SLC25A30: variants seen among roughly 807,000 people sequenced by gnomAD.
SLC25A30 encodes the protein solute carrier family 25 member 30, also known as kidney mitochondrial carrier protein 1.
A neutral mutation model predicts 42.7 loss-of-function variants in SLC25A30; 29 were observed. The observed-to-expected ratio is 0.68, with a 90% confidence interval of 0.51 to 0.93. The LOEUF is 0.93. SLC25A30 is among the 40% of genes least tolerant of loss of function. The pLI, the probability that SLC25A30 is intolerant of heterozygous loss-of-function variation, is 0.00. For synonymous variants in SLC25A30, 124 were observed against 131.0 expected, an observed-to-expected ratio of 0.95 and a Z score of 0.37; for missense variants, 300 against 359.7, an observed-to-expected ratio of 0.83 and a Z score of 1.34.
intron 5 of SLC25A30, among the ~76,000 whole-genome samples, chr13:45,403,387 T>C (rs908540052): frequency 6.6e-6 from 1 of 152,134 alleles, no homozygotes; most frequent in African/African-American, 2.4e-5. Context: ...GTATACCAAC[T>C]GGTACAAGAT....
chr13:45,415,473 G>A (rs923327032), intron 1 of SLC25A30, among the ~76,000 whole-genome samples: 2 of 152,030 alleles, frequency 1.3e-5, no homozygotes, highest in African/African-American at 2.4e-5. Context: ...GCTGTTGGCC[G>A]GGTGTGGTGG....
chr13:45,425,230 ATATT>A, the SLC25A30 span, among the ~76,000 whole-genome samples: 6 of 103,792 alleles, frequency 5.8e-5, no homozygotes, highest in East Asian at 5.0e-4. Context: ...ATGTATATAA[ATATT>A]TATACATATA....
At chr13:45,404,497 C>T (rs1466177250) in intron 4 of SLC25A30, 85 bp from the exon 5 acceptor site, 4 of 932,500 alleles carry the variant, frequency 4.3e-6, no homozygotes, top group South Asian at 4.0e-5. Flanking sequence ...CTTATTTACA[C>T]ATTACTTGTT....
chr13:45,427,993 T>G, the SLC25A30 span, among the ~76,000 whole-genome samples: 1 of 152,022 alleles, frequency 6.6e-6, no homozygotes, highest in Non-Finnish European at 1.5e-5. Context: ...TCCACCCGCC[T>G]CGGCCTCCCA....
Position 45,395,773 on chromosome 13 carries a change from TGTTA to T in SLC25A30, c.*197_*200del, listed in dbSNP as rs1881263071. 2 of 1,446,730 alleles carry T rather than the reference TGTTA, an allele frequency of 1.4e-6. No individual in the cohort carries two copies. 89.6% of individuals were successfully genotyped at this position (1,446,730 alleles called of 1,614,324 possible). A position where few individuals can be genotyped will look rare whatever the true frequency, so the allele number is the denominator to read the frequency against. ...TCAGTGGTAAAGACTAGTGTTTGGATGTTAGTTTATGCCATTAAACGTTTGATGA... is the reference window on the plus strand; with the variant it reads ...TCAGTGGTAAAGACTAGTGTTTGGATGTTTATGCCATTAAACGTTTGATGA... On this transcript the variant is annotated 3_prime_UTR_variant, in exon 10 of 10. Transcript: ENST00000519676.
At chr13:45,402,059 C>CAAAAAAAA (rs66565783) in intron 6 of SLC25A30, among the ~76,000 whole-genome samples, 1 of 83,914 alleles carries the variant, frequency 1.2e-5, no homozygotes, top group Non-Finnish European at 2.4e-5. Flanking sequence ...GACTCCATCT[C>CAAAAAAAA]AAAAAAAAAA....
At chr13:45,417,996 C>T (rs1220604366) in intron 1 of SLC25A30, among the ~76,000 whole-genome samples, 2 of 152,192 alleles carry the variant, frequency 1.3e-5, no homozygotes, top group East Asian at 3.9e-4. Context: ...ACGGGCTTCG[C>T]ACTCGGATCT....
At chr13:45,423,828 A>C in the SLC25A30 span, among the ~76,000 whole-genome samples, 1 of 75,750 alleles carries the variant, frequency 1.3e-5, no homozygotes, top group Non-Finnish European at 2.2e-5. Flanking sequence ...ATAAATATAT[A>C]TTTATATATA....
At chr13:45,432,253 G>C in the SLC25A30 span, among the ~76,000 whole-genome samples, 9 of 147,388 alleles carry the variant, frequency 6.1e-5, no homozygotes, top group Non-Finnish European at 1.3e-4. Context: ...CTGGGCAACA[G>C]AGCAAGACTC....
the SLC25A30 span, among the ~76,000 whole-genome samples, chr13:45,425,597 C>A: frequency 3.6e-3 from 138 of 38,094 alleles, 13 homozygotes; most frequent in African/African-American, 0.01. Flanking sequence ...TATATATATA[C>A]ATATATATAT....
the SLC25A30 span, among the ~76,000 whole-genome samples, chr13:45,424,522 TA>T: frequency 1.7e-5 from 1 of 59,308 alleles, no homozygotes; most frequent in Non-Finnish European, 3.3e-5. Context: ...TATAAATATA[TA>T]AAAATATATA....
chr13:45,402,444 ACAGT>A, intron 5 of SLC25A30, 74 bp from the exon 6 acceptor site: 7 of 1,187,700 alleles, frequency 5.9e-6, no homozygotes, highest in South Asian at 1.2e-5. Flanking sequence ...TATACCTCTG[ACAGT>A]CAGTCCGTCA....
chr13:45,415,602 T>G (rs1883444986), intron 1 of SLC25A30, among the ~76,000 whole-genome samples: 1 of 151,332 alleles, frequency 6.6e-6, no homozygotes, highest in African/African-American at 2.4e-5. Flanking sequence ...AATACAAAAA[T>G]TAGCTGGGCA....
the SLC25A30 span, among the ~76,000 whole-genome samples, chr13:45,427,383 G>A: frequency 6.6e-6 from 1 of 151,760 alleles, no homozygotes; most frequent in Non-Finnish European, 1.5e-5. Context: ...ATTGCAAGAA[G>A]AAAGACTGAA....
At chr13:45,398,788 G>C in intron 8 of SLC25A30, 152 bp downstream of exon 8, 1 of 651,096 alleles carries the variant, frequency 1.5e-6, no homozygotes, top group Non-Finnish European at 2.5e-6. Flanking sequence ...TAAAAGCTAA[G>C]CACAGTGTGG....
Position 45,393,617 on chromosome 13 carries a change from G to A in SLC25A30, c.*2357C>T, listed in dbSNP as rs1178694825. ...TTGGCATATTTAAGAAAACCCAAAG[G>A]TGGGGAGGTACTTATAGCCAGAACC... is the stretch of plus-strand genomic sequence containing the variant. On this transcript the variant is annotated 3_prime_UTR_variant, in exon 10 of 10. Coordinates refer to ENST00000519676, the MANE Select transcript of SLC25A30 (RefSeq NM_001010875.4). 1.0e-6 allele frequency: 1 copy of A among 985,246 alleles called. No individual in the cohort carries two copies. Among genetic ancestry groups the A allele is most frequent in the African/African-American group, 1.7e-5 (1 of 57,228 alleles). 61.0% of individuals were successfully genotyped at this position (985,246 alleles called of 1,614,324 possible).
At chr13:45,425,366 A>G in the SLC25A30 span, among the ~76,000 whole-genome samples, 82 of 110,518 alleles carry the variant, frequency 7.4e-4, no homozygotes, top group African/African-American at 3.0e-3. Flanking sequence ...AAGTATATGT[A>G]TAAAAATATA....
In SLC25A30 at chr13:45,418,127, G is replaced by A. The variant is rs143628075; in HGVS notation, c.-56+173C>T. 242 of 153,308 alleles carry A rather than the reference G, an allele frequency of 1.6e-3. 4 individuals carry two copies. The East Asian group carries it at 0.039, about 24-fold the overall frequency. The allele number at this position is 153,308 out of a possible 1,614,324, so 9.5% of individuals were successfully genotyped here. A position where few individuals can be genotyped will look rare whatever the true frequency, so the allele number is the denominator to read the frequency against. On this transcript the variant is annotated intron_variant, in intron 1 of 9. Coordinates refer to ENST00000519676, the MANE Select transcript of SLC25A30 (RefSeq NM_001010875.4). Reference sequence around the variant, plus strand: ...CCCTGTCCCCAGTCCCCGGAACCTCGCGCCCCGCCGAGCCCGGCCCGGCCT... The same window carrying A: ...CCCTGTCCCCAGTCCCCGGAACCTCACGCCCCGCCGAGCCCGGCCCGGCCT...
intron 8 of SLC25A30, 93 bp from the exon 9 acceptor site, chr13:45,397,431 G>A: frequency 4.7e-6 from 4 of 857,704 alleles, no homozygotes; most frequent in African/African-American, 3.4e-5. Context: ...GGTGGCTCAC[G>A]CCTTTAATCC....
Sources: allele counts gnomAD v4.1 joint callset (sites outside exome capture counted in the v4.1 genomes callset), GRCh38; gene constraint gnomAD v4.1.1; transcripts MANE v1.5; gene names NCBI Gene and HGNC (gene_info 2026-07-23, HGNC 2026-07-21).